The following NRBF2 variants were observed in gnomAD, a reference collection of about 807,000 sequenced individuals.
NRBF2 encodes nuclear receptor-binding factor 2.
In NRBF2, 12 loss-of-function variants were observed where a neutral mutation model predicts 28.5. The observed-to-expected ratio is 0.42, with a 90% CI of 0.27 to 0.68. The LOEUF (loss-of-function observed/expected upper bound fraction) is 0.68. NRBF2 is among the 30% of genes least tolerant of loss of function. The probability of loss-of-function intolerance (pLI) is 0.24; values close to 1 mark genes in which losing one functional copy is unlikely to be tolerated. For missense variants in NRBF2, 274 were observed against 333.5 expected, an observed-to-expected ratio of 0.82 and a Z score of 1.39; for synonymous variants, 102 against 116.5, an observed-to-expected ratio of 0.88 and a Z score of 0.80.
At chr10:63,146,365 C>G in intron 2 of NRBF2, 72 bp downstream of exon 2, 1 of 1,044,300 alleles carries the variant, frequency 9.6e-7, no homozygotes, top group Non-Finnish European at 1.4e-6. Flanking sequence ...ATGTGTGTTG[C>G]TTTTCATATG....
chr10:63,134,683 G>C (rs536611092), intron 1 of NRBF2, among the ~76,000 whole-genome samples: 2 of 152,206 alleles, frequency 1.3e-5, no homozygotes, highest in Non-Finnish European at 2.9e-5. Flanking sequence ...GTAAGAGTTA[G>C]CGATTATAAC....
At position 63,152,133 on chromosome 10, in the gene NRBF2, A is replaced by G. The variant is rs112912729; in HGVS notation, c.116-17A>G. Reference sequence around the variant, plus strand: ...AATGAAGACACATATTAACATGCCTATTTTTTCTCTTAACAGCATATCTTT... The same window carrying G: ...AATGAAGACACATATTAACATGCCTGTTTTTTCTCTTAACAGCATATCTTT... On this transcript the variant is annotated splice_polypyrimidine_tract_variant and intron_variant, in intron 2 of 3. Coordinates refer to ENST00000277746, the MANE Select transcript of NRBF2 (RefSeq NM_030759.5). The G allele has an allele frequency of 3.9e-3, 6,301 of 1,606,100 alleles. 12 individuals carry two copies. Among genetic ancestry groups the G allele is most frequent in the Non-Finnish European group, 4.7e-3 (5,479 of 1,173,334 alleles).
At chr10:63,144,086 A>AGTGAAGTTTTTT (rs1841520727) in intron 1 of NRBF2, among the ~76,000 whole-genome samples, 1 of 152,152 alleles carries the variant, frequency 6.6e-6, no homozygotes, top group Admixed American at 6.5e-5. Context: ...GTGATGTAAA[A>AGTGAAGTTTTTT]AACACGTGAA....
chr10:63,136,105 AG>A (rs1192476526), intron 1 of NRBF2, among the ~76,000 whole-genome samples: 2 of 148,958 alleles, frequency 1.3e-5, no homozygotes, highest in Non-Finnish European at 3.0e-5. Flanking sequence ...TTATAAGATG[AG>A]GTTTTTGAAA....
intron 1 of NRBF2, among the ~76,000 whole-genome samples, chr10:63,136,173 C>T (rs1322620839): frequency 6.7e-6 from 1 of 148,580 alleles, no homozygotes; most frequent in East Asian, 2.0e-4. Flanking sequence ...CGCTTTGTCA[C>T]CCAGGCTAGA....
rs760639662 is a variant in NRBF2 at position 63,153,872 on chromosome 10, C to T, written c.518C>T (p.Thr173Ile). The T allele has an allele frequency of 1.2e-6, 2 of 1,611,828 alleles. No homozygotes were observed. The highest frequency in any genetic ancestry group is 2.2e-5 in the East Asian group (1 of 44,856). The change falls in exon 4 of 4, where the codon ACC becomes ATC. Residue 173 changes from threonine (T) to isoleucine (I), a missense_variant. Transcript: ENST00000277746. Reference sequence around the variant, plus strand: ...AAAACAATTATAGAGGAGCAGGCAACCAAAATTGCAGATTTGAAGAGGCAT... The same window carrying T: ...AAAACAATTATAGAGGAGCAGGCAATCAAAATTGCAGATTTGAAGAGGCAT... ...DDKTIIEEQA[T>I]KIADLKRHVE...
At chr10:63,144,816 G>T (rs1841534422) in intron 1 of NRBF2, among the ~76,000 whole-genome samples, 1 of 152,132 alleles carries the variant, frequency 6.6e-6, no homozygotes, top group Admixed American at 6.5e-5. Flanking sequence ...TTCACCTTTT[G>T]GCTGTTGTGA....
At chr10:63,134,761 T>C (rs1841348786) in intron 1 of NRBF2, among the ~76,000 whole-genome samples, 2 of 152,262 alleles carry the variant, frequency 1.3e-5, no homozygotes, top group South Asian at 4.1e-4. Context: ...TTTAAAAGCC[T>C]AAGATTCTCG....
chr10:63,140,903 G>T (rs1018655815), intron 1 of NRBF2, among the ~76,000 whole-genome samples: 5 of 152,068 alleles, frequency 3.3e-5, no homozygotes, highest in Non-Finnish European at 5.9e-5. Flanking sequence ...GTTTCACTAT[G>T]TTGGCCAGGC....
rs2132700556 is a variant in NRBF2 at position 63,154,800 on chromosome 10, T to G, written c.*582T>G. The G allele has an allele frequency of 6.5e-6, 1 of 152,746 alleles. No individual in the cohort carries two copies. Among genetic ancestry groups the G allele is most frequent in the South Asian group, 2.1e-4 (1 of 4,830 alleles). 9.5% of individuals were successfully genotyped at this position (152,746 alleles called of 1,614,324 possible). A position where few individuals can be genotyped will look rare whatever the true frequency, so the allele number is the denominator to read the frequency against. Reference sequence around the variant, plus strand: ...GACTATCAGAAGAAATATTTAAATTTCCATTTTATGAAGAAAGGAACCAAA... The same window carrying G: ...GACTATCAGAAGAAATATTTAAATTGCCATTTTATGAAGAAAGGAACCAAA... On this transcript the variant is annotated 3_prime_UTR_variant, in exon 4 of 4. Coordinates refer to ENST00000277746, the MANE Select transcript of NRBF2 (RefSeq NM_030759.5).
intron 1 of NRBF2, among the ~76,000 whole-genome samples, chr10:63,136,944 G>T (rs543094754): frequency 6.6e-6 from 1 of 152,258 alleles, no homozygotes; most frequent in South Asian, 2.1e-4. Context: ...TTTGTCAAAA[G>T]AAAAATTGTA....
chr10:63,150,816 C>T (rs769526406), intron 2 of NRBF2, among the ~76,000 whole-genome samples: 1 of 152,154 alleles, frequency 6.6e-6, no homozygotes, highest in South Asian at 2.1e-4. Flanking sequence ...TGGGAGACAG[C>T]GACAGATCAT....
intron 1 of NRBF2, among the ~76,000 whole-genome samples, chr10:63,144,477 C>A (rs1346840555): frequency 1.3e-5 from 2 of 149,822 alleles, no homozygotes; most frequent in Non-Finnish European, 3.0e-5. Flanking sequence ...TGGAGTGGCG[C>A]GATCTCGGCT....
rs911902158 is a variant in NRBF2, at chr10:63,152,952, C to T, written c.157-559C>T. Among the ~76,000 whole-genome samples the T allele has an allele frequency of 6.6e-5, 10 of 152,106 alleles. No individual in the cohort carries two copies. In the East Asian group the frequency reaches 1.2e-3, roughly 18 times the overall value. On this transcript the variant is annotated intron_variant, in intron 3 of 3. Coordinates refer to ENST00000277746, the MANE Select transcript of NRBF2 (RefSeq NM_030759.5). ...CCAAGGCTGCAGTGAGCTATGACTG[C>T]GCCATTGCACTTCAGCCTCAGCAAC...
chr10:63,146,205 C>G lies in NRBF2; in HGVS notation c.31-4C>G, dbSNP rs1249384484. 4 of 1,610,062 alleles carry G rather than the reference C, an allele frequency of 2.5e-6. No individual in the cohort carries two copies. Among genetic ancestry groups the G allele is most frequent in the Non-Finnish European group, 3.4e-6 (4 of 1,178,220 alleles). ...AGAGGAACTTAGGGATGTTTGTCTTCTAGGCTCATCAACAGAGCAGACGAG... is the reference window on the plus strand; with the variant it reads ...AGAGGAACTTAGGGATGTTTGTCTTGTAGGCTCATCAACAGAGCAGACGAG... On this transcript the variant is annotated splice_polypyrimidine_tract_variant and splice_region_variant and intron_variant, in intron 1 of 3. Coordinates refer to ENST00000277746, the MANE Select transcript of NRBF2 (RefSeq NM_030759.5).
At chr10:63,139,744 C>G (rs140535048) in intron 1 of NRBF2, among the ~76,000 whole-genome samples, 2,001 of 152,274 alleles carry the variant, frequency 0.013, 30 homozygotes, top group African/African-American at 0.034. Context: ...CCTGGCTAGC[C>G]TCTGAATGTC....
intron 1 of NRBF2, among the ~76,000 whole-genome samples, chr10:63,142,770 T>G (rs1841493175): frequency 2.1e-5 from 2 of 94,292 alleles, no homozygotes; most frequent in East Asian, 2.9e-4. Context: ...TTTCTTTTCT[T>G]TCTTTCTTTC....
At chr10:63,149,655 G>T (rs1167390251) in intron 2 of NRBF2, among the ~76,000 whole-genome samples, 1 of 152,058 alleles carries the variant, frequency 6.6e-6, no homozygotes, top group African/African-American at 2.4e-5. Context: ...TTAAATGTGG[G>T]GAATACTTTA....
intron 1 of NRBF2, among the ~76,000 whole-genome samples, chr10:63,139,231 A>G (rs947425278): frequency 6.6e-6 from 1 of 152,106 alleles, no homozygotes. Context: ...GCTGGTCTCG[A>G]ACTCTTGCCC....
Sources: allele counts gnomAD v4.1 joint callset (sites outside exome capture counted in the v4.1 genomes callset), GRCh38; gene constraint gnomAD v4.1.1; transcripts MANE v1.5; gene names NCBI Gene and HGNC (gene_info 2026-07-23, HGNC 2026-07-21).